The following TLL2 variants were observed in gnomAD, a reference collection of about 807,000 sequenced individuals.
TLL2 encodes tolloid-like protein 2.
In TLL2, 106 loss-of-function variants were observed where a neutral mutation model predicts 123.0. That is an observed-to-expected ratio of 0.86 (90% CI 0.74 to 1.01). The LOEUF is 1.01. Among genes scored for constraint, TLL2 ranks in the 50% least tolerant of loss-of-function variants. The probability of loss-of-function intolerance (pLI) is 0.00; values close to 1 mark genes in which losing one functional copy is unlikely to be tolerated. For missense variants in TLL2, 1,332 were observed against 1,336.7 expected (o/e 1.00, Z 0.06); for synonymous variants, 494 against 516.8 (o/e 0.96, Z 0.60).
chr10:96,446,150 G>A lies in TLL2; in HGVS notation c.305C>T (p.Ala102Val). ...TGTGGTGTCTGGGCTGCTCTCAGAT[G>A]CCTGCTCTTCAAGCCCACCTAGAGG... ...GHSTGGLEEQASESSPDTTAM... is the reference protein window; with the variant it reads ...GHSTGGLEEQVSESSPDTTAM... Residue 102 changes from alanine to valine, a missense_variant, in exon 3 of 21, where the codon GCA (alanine) becomes GTA (valine). Transcript: ENST00000357947. The A allele has an allele frequency of 6.2e-7, 1 of 1,614,102 alleles. No homozygotes were observed. Among genetic ancestry groups the A allele is most frequent in the Non-Finnish European group, 8.5e-7 (1 of 1,179,998 alleles).
At chr10:96,415,370 A>G (rs1159607501) in intron 7 of TLL2, among the ~76,000 whole-genome samples, 1 of 152,076 alleles carries the variant, frequency 6.6e-6, no homozygotes, top group Non-Finnish European at 1.5e-5. Flanking sequence ...GTCTTTCTCT[A>G]TTAAAAGTCT....
rs142908871 is a variant in TLL2, at chr10:96,386,974, C to A, written c.1831G>T (p.Ala611Ser). ...CAACCTTCACACATCTTCTTATCGG[C>A]GGCCAGCTCGTAGCCAGGGTCACAG... is the stretch of plus-strand genomic sequence containing the variant. ...CACDPGYELA[A>S]DKKMCEVACG... The change falls in exon 14 of 21, where the codon GCC becomes TCC. Residue 611 changes from alanine to serine, a missense_variant. Coordinates refer to ENST00000357947, the MANE Select transcript of TLL2 (RefSeq NM_012465.4). 1 of 1,614,102 alleles carries A rather than the reference C, an allele frequency of 6.2e-7. No homozygotes were observed. The highest frequency in any genetic ancestry group is 8.5e-7 in the Non-Finnish European group (1 of 1,180,028).
chr10:96,458,047 G>C (rs1158626011), intron 2 of TLL2, among the ~76,000 whole-genome samples: 1 of 152,130 alleles, frequency 6.6e-6, no homozygotes, highest in Non-Finnish European at 1.5e-5. Flanking sequence ...GTGGCTGCAG[G>C]AGGTGGGGTG....
chr10:96,397,252 G>A lies in TLL2; in HGVS notation c.1318C>T (p.Arg440Trp), dbSNP rs755902799. Residue 440 changes from arginine to tryptophan, a missense_variant, in exon 11 of 21, where the codon CGG becomes TGG. Arg to Trp is a moderately radical substitution (Grantham distance 101). Coordinates refer to ENST00000357947, the MANE Select transcript of TLL2 (RefSeq NM_012465.4). ...CTGCTGCGGAACTCCACCCAGAGCC[G>A]GCTGTCCGTGGAGACGAGGGGCTCC... ...IPEPLVSTDS[R>W]LWVEFRSSSN... 1.1e-4 allele frequency: 175 copies of A among 1,613,612 alleles called. No individual in the cohort carries two copies. Among genetic ancestry groups the A allele is most frequent in the East Asian group, 2.7e-4 (12 of 44,846 alleles).
rs1846011545 is a variant in TLL2, at chr10:96,365,158, A to G, written c.*2930T>C. 6.6e-6 allele frequency: 1 copy of G among 152,218 alleles called. No homozygotes were observed. 9.4% of individuals were successfully genotyped at this position (152,218 alleles called of 1,614,324 possible). A position where few individuals can be genotyped will look rare whatever the true frequency, so the allele number is the denominator to read the frequency against. ...TACAATGTTTTTTAAAAAGTTTACG[A>G]ATTTGTGTCGGGCCATATTCAAAGC... On this transcript the variant is annotated 3_prime_UTR_variant, in exon 21 of 21. Coordinates refer to ENST00000357947, the MANE Select transcript of TLL2 (RefSeq NM_012465.4).
intron 1 of TLL2, among the ~76,000 whole-genome samples, chr10:96,499,549 T>C (rs913474000): frequency 2.0e-5 from 3 of 152,256 alleles, no homozygotes; most frequent in African/African-American, 7.2e-5. Flanking sequence ...AACTTGGGTC[T>C]GTTACTAGCA....
chr10:96,415,359 TG>T (rs1482296602), intron 7 of TLL2, among the ~76,000 whole-genome samples: 1 of 152,150 alleles, frequency 6.6e-6, no homozygotes. Context: ...CCCCATCAGA[TG>T]TCTTTCTCTA....
chr10:96,368,469 A>T (rs1846049738), intron 20 of TLL2, among the ~76,000 whole-genome samples: 1 of 152,210 alleles, frequency 6.6e-6, no homozygotes, highest in Admixed American at 6.5e-5. Context: ...ATTATTTATT[A>T]AGTATGCAGG....
chr10:96,513,807 G>GCT lies in TLL2; in HGVS notation c.-123_-122insAG. 1 of 1,083,486 alleles carries GCT rather than the reference G, an allele frequency of 9.2e-7. No individual in the cohort carries two copies. The highest frequency in any genetic ancestry group is 1.9e-5 in the South Asian group (1 of 51,700). 67.1% of individuals were successfully genotyped at this position (1,083,486 alleles called of 1,614,324 possible). A position where few individuals can be genotyped will look rare whatever the true frequency, so the allele number is the denominator to read the frequency against. On this transcript the variant is annotated 5_prime_UTR_variant, in exon 1 of 21. It removes the in-frame stop codon of an upstream open reading frame in the 5' UTR. Coordinates refer to ENST00000357947, the MANE Select transcript of TLL2 (RefSeq NM_012465.4). The stretch of plus-strand genomic sequence containing the variant: ...GACTCGGTGGTTACACAGGGCTGCT[G>GCT]GGCATGGCTCAGGCGCGGAGCAAGC...
chr10:96,486,970 T>G (rs1847362291), intron 1 of TLL2, among the ~76,000 whole-genome samples: 1 of 152,234 alleles, frequency 6.6e-6, no homozygotes, highest in South Asian at 2.1e-4. Context: ...CCCAGGCTGA[T>G]TCCCTTGCAG....
chr10:96,379,683 G>A (rs759286927), intron 16 of TLL2, among the ~76,000 whole-genome samples: 13 of 152,108 alleles, frequency 8.5e-5, no homozygotes, highest in African/African-American at 1.4e-4. Context: ...TTAGCCAGGC[G>A]TGGTGGTGCA....
chr10:96,422,060 A>G (rs970924703), intron 6 of TLL2, among the ~76,000 whole-genome samples: 4 of 152,154 alleles, frequency 2.6e-5, no homozygotes, highest in African/African-American at 9.7e-5. Flanking sequence ...ATTTTTTTTT[A>G]ATCTAGACAC....
At position 96,387,033 on chromosome 10, in the gene TLL2, C is replaced by T. The variant is rs746323294; in HGVS notation, c.1772G>A (p.Arg591His). The T allele has an allele frequency of 1.9e-5, 30 of 1,613,822 alleles. No individual in the cohort carries two copies. Among genetic ancestry groups the T allele is most frequent in the South Asian group, 3.3e-5 (3 of 91,082 alleles). The change falls in exon 14 of 21, where the codon CGC becomes CAC. Residue 591 changes from arginine (R) to histidine (H), a missense_variant. Coordinates refer to ENST00000357947, the MANE Select transcript of TLL2 (RefSeq NM_012465.4). Reference protein sequence around the residue: ...SWPDHGGCEHRCVNTLGSYKC... With the variant: ...SWPDHGGCEHHCVNTLGSYKC... ...GTAGCTGCCCAGCGTGTTCACACAG[C>T]GATGCTCGCACCCGCCGTGATCTGG...
At chr10:96,402,265 A>T (rs1192086668) in intron 10 of TLL2, among the ~76,000 whole-genome samples, 1 of 152,254 alleles carries the variant, frequency 6.6e-6, no homozygotes, top group Non-Finnish European at 1.5e-5. Flanking sequence ...CTCAGAGGTA[A>T]TCACCTTCAG....
At chr10:96,369,496 C>T (rs1237885436) in intron 20 of TLL2, among the ~76,000 whole-genome samples, 1 of 152,122 alleles carries the variant, frequency 6.6e-6, no homozygotes, top group Non-Finnish European at 1.5e-5. Context: ...CATGGTGGCT[C>T]ACGCCTGTAG....
chr10:96,395,515 C>T, intron 12 of TLL2, 133 bp from the exon 13 acceptor site: 1 of 843,362 alleles, frequency 1.2e-6, no homozygotes, highest in Non-Finnish European at 1.8e-6. Context: ...TCCCAGGTCT[C>T]TCCATGCTGC....
chr10:96,420,436 G>C (rs1226593192), intron 7 of TLL2, among the ~76,000 whole-genome samples: 1 of 152,242 alleles, frequency 6.6e-6, no homozygotes, highest in Non-Finnish European at 1.5e-5. Context: ...GTGACCTGCA[G>C]GTGGGAACCT....
intron 7 of TLL2, among the ~76,000 whole-genome samples, chr10:96,419,506 T>TATC (rs374816906): frequency 3.3e-5 from 5 of 152,184 alleles, no homozygotes; most frequent in African/African-American, 1.2e-4. Context: ...TTTCTTTTAC[T>TATC]ATCTTTGGAA....
intron 2 of TLL2, among the ~76,000 whole-genome samples, chr10:96,463,740 A>G (rs1564912308): frequency 2.0e-5 from 3 of 152,362 alleles, no homozygotes; most frequent in African/African-American, 4.8e-5. Context: ...GATGCCATCT[A>G]GCAGGGCAGA....
Sources: allele counts gnomAD v4.1 joint callset (sites outside exome capture counted in the v4.1 genomes callset), GRCh38; gene constraint gnomAD v4.1.1; transcripts MANE v1.5; gene names NCBI Gene and HGNC (gene_info 2026-07-23, HGNC 2026-07-21).